ANKRD6: variants seen among roughly 807,000 people sequenced by gnomAD.
ANKRD6 encodes ankyrin repeat domain-containing protein 6.
In ANKRD6, 56 loss-of-function variants were observed where a neutral mutation model predicts 82.3. That is an observed-to-expected ratio of 0.68 (90% CI 0.55 to 0.85). ANKRD6 has a LOEUF of 0.85. Among genes scored for constraint, ANKRD6 ranks in the 40% least tolerant of loss-of-function variants. The probability of loss-of-function intolerance (pLI) is 0.00; values close to 1 mark genes in which losing one functional copy is unlikely to be tolerated. For missense variants in ANKRD6, 852 were observed against 907.6 expected, an observed-to-expected ratio of 0.94 and a Z score of 0.79; for synonymous variants, 347 against 352.1, an observed-to-expected ratio of 0.99 and a Z score of 0.16.
intron 1 of ANKRD6, among the ~76,000 whole-genome samples, chr6:89,462,236 T>TAATAAAAATAAA (rs1554214167): frequency 4.1e-5 from 5 of 122,034 alleles, no homozygotes; most frequent in African/African-American, 1.2e-4. Flanking sequence ...CATCTCAAAA[T>TAATAAAAATAAA]AATAATAATA....
intron 4 of ANKRD6, among the ~76,000 whole-genome samples, chr6:89,604,571 A>C (rs779311593): frequency 6.6e-6 from 1 of 152,180 alleles, no homozygotes; most frequent in Non-Finnish European, 1.5e-5. Flanking sequence ...AAGTGGACAA[A>C]TAAGTGTGCA....
intron 1 of ANKRD6, among the ~76,000 whole-genome samples, chr6:89,484,146 G>A (rs1582853259): frequency 6.6e-6 from 1 of 152,328 alleles, no homozygotes; most frequent in South Asian, 2.1e-4. Context: ...GACCTCAGGT[G>A]ATCCGCCTGC....
intron 1 of ANKRD6, among the ~76,000 whole-genome samples, chr6:89,463,365 G>A (rs1176821410): frequency 1.3e-5 from 2 of 151,846 alleles, no homozygotes; most frequent in Non-Finnish European, 2.9e-5. Context: ...GGAAGCCTCT[G>A]GAATGTCATT....
intron 1 of ANKRD6, among the ~76,000 whole-genome samples, chr6:89,511,562 A>G (rs772115992): frequency 6.6e-6 from 1 of 152,236 alleles, no homozygotes; most frequent in African/African-American, 2.4e-5. Context: ...GTGAGTTACT[A>G]AACCTTTTTG....
intron 1 of ANKRD6, among the ~76,000 whole-genome samples, chr6:89,438,501 T>C (rs1167518237): frequency 1.3e-5 from 2 of 152,222 alleles, no homozygotes; most frequent in Non-Finnish European, 1.5e-5. Context: ...ATACAGTCCC[T>C]GGCTGGGCAA....
intron 1 of ANKRD6, among the ~76,000 whole-genome samples, chr6:89,442,328 A>G (rs1304179650): frequency 2.0e-5 from 3 of 152,102 alleles, no homozygotes; most frequent in East Asian, 1.9e-4. Context: ...TGAGGGAGGC[A>G]TAGACACCAA....
At chr6:89,604,817 G>A (rs1183228530) in intron 4 of ANKRD6, among the ~76,000 whole-genome samples, 2 of 152,150 alleles carry the variant, frequency 1.3e-5, no homozygotes, top group Non-Finnish European at 2.9e-5. Context: ...CCTTGTGGAG[G>A]TCAGCTGTGT....
At position 89,616,461 on chromosome 6, in the gene ANKRD6, T is replaced by C; in HGVS notation, c.616-98T>C. On this transcript the variant is annotated intron_variant, in intron 7 of 15. Transcript: ENST00000339746. Reference sequence around the variant, plus strand: ...CATTTCAGTCTCAGGCAAATCTCAGTTTGACTTTGAAGAGCCACACCTAGG... The same window carrying C: ...CATTTCAGTCTCAGGCAAATCTCAGCTTGACTTTGAAGAGCCACACCTAGG... 2.7e-6 allele frequency: 3 copies of C among 1,112,410 alleles called. No individual in the cohort carries two copies. In the South Asian group the frequency reaches 4.0e-5, roughly 15 times the overall value. The allele number at this position is 1,112,410 out of a possible 1,614,324, so 68.9% of individuals were successfully genotyped here.
chr6:89,612,196 G>GC, intron 5 of ANKRD6, 76 bp from the exon 6 acceptor site: 1 of 1,333,272 alleles, frequency 7.5e-7, no homozygotes, highest in Non-Finnish European at 1.0e-6. Flanking sequence ...AGTAAGTACT[G>GC]CCCCTCTGCA....
At chr6:89,630,323 G>GAGA (rs1807093971) in intron 15 of ANKRD6, 110 bp from the exon 16 acceptor site, 2 of 1,303,556 alleles carry the variant, frequency 1.5e-6, no homozygotes, top group African/African-American at 1.5e-5. Context: ...GGTGGTGATG[G>GAGA]AGAAGGCTGG....
intron 1 of ANKRD6, among the ~76,000 whole-genome samples, chr6:89,476,331 G>A (rs750283521): frequency 1.5e-4 from 23 of 151,936 alleles, no homozygotes; most frequent in South Asian, 4.1e-4. Flanking sequence ...GATTATAGGC[G>A]TGCACCACCA....
chr6:89,479,428 A>G (rs927831820), intron 1 of ANKRD6, among the ~76,000 whole-genome samples: 40 of 152,284 alleles, frequency 2.6e-4, no homozygotes, highest in African/African-American at 9.4e-4. Context: ...AGGCAGCATA[A>G]TATTCTACCA....
chr6:89,436,638 A>G (rs1310426815), intron 1 of ANKRD6, among the ~76,000 whole-genome samples: 3 of 152,370 alleles, frequency 2.0e-5, no homozygotes, highest in Admixed American at 2.0e-4. Flanking sequence ...GACAGAAAGT[A>G]GAATGGTAGT....
At chr6:89,602,113 C>T (rs146383070) in intron 3 of ANKRD6, 9 of 152,406 alleles carry the variant, frequency 5.9e-5, no homozygotes, top group East Asian at 5.8e-4. Flanking sequence ...CCCCTTGTCT[C>T]GTGCTCATTG....
At chr6:89,574,731 G>T (rs1790722721) in intron 2 of ANKRD6, among the ~76,000 whole-genome samples, 1 of 152,140 alleles carries the variant, frequency 6.6e-6, no homozygotes, top group Admixed American at 6.5e-5. Context: ...CAGGTAACCT[G>T]CCCTAAGTTT....
chr6:89,439,259 A>G (rs181766078), intron 1 of ANKRD6, among the ~76,000 whole-genome samples: 36 of 152,294 alleles, frequency 2.4e-4, no homozygotes, highest in East Asian at 9.6e-4. Context: ...GCATGTCTTA[A>G]TGGCTTCGTT....
At position 89,490,338 on chromosome 6, in the gene ANKRD6, C is replaced by A. The variant is rs527720758; in HGVS notation, c.-144+56963C>A. Reference sequence around the variant, plus strand: ...GGAGAATCCAGTAAATATTTATCTTCCCCACCAGGTGTTGTGTAGTACACA... The same window carrying A: ...GGAGAATCCAGTAAATATTTATCTTACCCACCAGGTGTTGTGTAGTACACA... On this transcript the variant is annotated intron_variant, in intron 1 of 15. Coordinates refer to ENST00000339746, the MANE Select transcript of ANKRD6 (RefSeq NM_001242809.2). Among the ~76,000 whole-genome samples, 6 of 152,340 alleles carry A rather than the reference C, an allele frequency of 3.9e-5. No homozygotes were observed. In the East Asian group the frequency reaches 9.6e-4, roughly 24 times the overall value.
chr6:89,434,419 G>C, intron 1 of ANKRD6, among the ~76,000 whole-genome samples: 1 of 152,182 alleles, frequency 6.6e-6, no homozygotes, highest in East Asian at 1.9e-4. Flanking sequence ...GTCCAAGGTG[G>C]TCCCATCCAT....
chr6:89,518,964 C>A (rs1250723545), intron 1 of ANKRD6, among the ~76,000 whole-genome samples: 1 of 152,216 alleles, frequency 6.6e-6, no homozygotes, highest in Non-Finnish European at 1.5e-5. Flanking sequence ...TGGCCACCTT[C>A]TTCCTGTGTT....
Sources: gnomAD v4.1 joint callset for allele counts (sites outside exome capture counted in the v4.1 genomes callset) on GRCh38, gnomAD v4.1.1 for gene constraint, MANE v1.5 for transcripts, NCBI Gene and HGNC (gene_info 2026-07-23, HGNC 2026-07-21) for gene names.